The following CNTN5 variants were observed in gnomAD, a reference collection of about 807,000 sequenced individuals.
CNTN5 encodes the protein contactin 5.
In CNTN5, 77 loss-of-function variants were observed where a neutral mutation model predicts 129.1. That is an observed-to-expected ratio of 0.60 (90% CI 0.50 to 0.72). The LOEUF is 0.72. Ranked by LOEUF, CNTN5 falls within the 30% of genes least tolerant of loss-of-function variation. CNTN5 has a pLI of 0.00. For synonymous variants in CNTN5, 509 were observed against 465.6 expected, an observed-to-expected ratio of 1.09 and a Z score of -1.20; for missense variants, 1,478 against 1,328.8, an observed-to-expected ratio of 1.11 and a Z score of -1.75.
At chr11:99,845,781 G>T (rs1339874480) in intron 6 of CNTN5, among the ~76,000 whole-genome samples, 1 of 151,448 alleles carries the variant, frequency 6.6e-6, no homozygotes, top group Non-Finnish European at 1.5e-5. Context: ...TAAAGTTTTA[G>T]AATTCATAAC....
Position 99,633,102 on chromosome 11 carries a change from C to T in CNTN5, c.55+76833C>T, listed in dbSNP as rs140787630. 7.3e-4 allele frequency among the ~76,000 whole-genome samples: 111 copies of T among 152,132 alleles called. 2 individuals are homozygous for T. The East Asian group carries it at 0.021, about 29-fold the overall frequency. On this transcript the variant is annotated intron_variant, in intron 3 of 24. Coordinates refer to ENST00000524871, the MANE Select transcript of CNTN5 (RefSeq NM_014361.4). ...ATGGGGAATCAGCTCCCATTTGAAA[C>T]CTCCAGAAATAACTCTCCTCCAAGT...
At chr11:99,620,649 G>A (rs1950916746) in intron 3 of CNTN5, among the ~76,000 whole-genome samples, 1 of 151,954 alleles carries the variant, frequency 6.6e-6, no homozygotes, top group South Asian at 2.1e-4. Context: ...CCCAGGAAAG[G>A]TAACAAGTTG....
chr11:99,984,449 G>A (rs1356390941), intron 8 of CNTN5, among the ~76,000 whole-genome samples: 6 of 152,120 alleles, frequency 3.9e-5, no homozygotes, highest in South Asian at 2.1e-4. Context: ...GATTTCTTGC[G>A]GGAGGAATTA....
intron 6 of CNTN5, among the ~76,000 whole-genome samples, chr11:99,852,716 A>G (rs1043800343): frequency 6.6e-6 from 1 of 152,190 alleles, no homozygotes; most frequent in African/African-American, 2.4e-5. Flanking sequence ...GGTATATTTT[A>G]TCATAGTGCT....
intron 3 of CNTN5, among the ~76,000 whole-genome samples, chr11:99,717,899 A>G (rs1943032380): frequency 6.6e-6 from 1 of 152,104 alleles, no homozygotes. Context: ...AGAGAAAGTG[A>G]TTTAAGTTGC....
chr11:99,764,158 T>C (rs887559526), intron 3 of CNTN5, among the ~76,000 whole-genome samples: 5 of 152,072 alleles, frequency 3.3e-5, no homozygotes, highest in Admixed American at 6.6e-5. Context: ...CAGAAAATTT[T>C]GAAGACCACT....
At chr11:99,389,665 G>A in intron 2 of CNTN5, among the ~76,000 whole-genome samples, 1 of 152,114 alleles carries the variant, frequency 6.6e-6, no homozygotes, top group East Asian at 1.9e-4. Flanking sequence ...AAATCAGGTG[G>A]AATAACATTT....
intron 2 of CNTN5, among the ~76,000 whole-genome samples, chr11:99,495,222 G>A (rs1339610233): frequency 6.6e-6 from 1 of 152,002 alleles, no homozygotes; most frequent in African/African-American, 2.4e-5. Flanking sequence ...CAAAAAATTA[G>A]CCAGGTATGG....
rs1315466197 is a variant in CNTN5 at position 100,003,831 on chromosome 11, C to G, written c.980+1695C>G. On this transcript the variant is annotated intron_variant, in intron 9 of 24. Transcript: ENST00000524871. ...TACATAAAAGGGAGTGTAAAGAAGA[C>G]TGCTTCACTCAAGAAGGTCTCTGTT... is the stretch of plus-strand genomic sequence containing the variant. 4 of 152,160 alleles carry G rather than the reference C, an allele frequency of 2.6e-5. No homozygotes were observed. The East Asian group carries it at 7.7e-4, about 29-fold the overall frequency. The allele number at this position is 152,160 out of a possible 1,614,324, so 9.4% of individuals were successfully genotyped here.
At chr11:99,889,325 TG>T (rs1565642729) in intron 6 of CNTN5, among the ~76,000 whole-genome samples, 39,415 of 113,060 alleles carry the variant, frequency 0.35, 6,374 homozygotes, top group Non-Finnish European at 0.46. Flanking sequence ...TGTGTGTGTG[TG>T]TGTGTGTGTG....
chr11:99,787,377 A>G (rs1337894232), intron 3 of CNTN5, among the ~76,000 whole-genome samples: 2 of 151,742 alleles, frequency 1.3e-5, no homozygotes, highest in African/African-American at 2.4e-5. Context: ...TATATTTTCC[A>G]TATTAAAAAT....
At chr11:99,861,194 T>C (rs536332059) in intron 6 of CNTN5, among the ~76,000 whole-genome samples, 1 of 152,214 alleles carries the variant, frequency 6.6e-6, no homozygotes, top group African/African-American at 2.4e-5. Flanking sequence ...CCTGACCTCG[T>C]GATCCGCCAG....
intron 1 of CNTN5, among the ~76,000 whole-genome samples, chr11:99,287,239 A>G (rs1210396583): frequency 6.6e-6 from 1 of 152,120 alleles, no homozygotes; most frequent in Non-Finnish European, 1.5e-5. Flanking sequence ...TATCCTTTCA[A>G]TTAGGAAATA....
intron 8 of CNTN5, among the ~76,000 whole-genome samples, chr11:99,962,054 G>T (rs1219524551): frequency 6.6e-6 from 1 of 152,044 alleles, no homozygotes; most frequent in Non-Finnish European, 1.5e-5. Flanking sequence ...AAATTCTTGT[G>T]CTTATAGAGT....
intron 21 of CNTN5, among the ~76,000 whole-genome samples, chr11:100,334,468 G>T (rs185550964): frequency 6.6e-6 from 1 of 152,198 alleles, no homozygotes; most frequent in East Asian, 1.9e-4. Context: ...ATACGAAAAA[G>T]ATACTTGCAC....
At chr11:99,504,055 C>T (rs572587968) in intron 2 of CNTN5, among the ~76,000 whole-genome samples, 2 of 152,150 alleles carry the variant, frequency 1.3e-5, no homozygotes, top group East Asian at 1.9e-4. Context: ...ATTTTTCTCA[C>T]CCATATTTAG....
intron 3 of CNTN5, among the ~76,000 whole-genome samples, chr11:99,809,498 C>G (rs79943632): frequency 1.3e-5 from 2 of 152,166 alleles, no homozygotes; most frequent in East Asian, 1.9e-4. Flanking sequence ...TTATTTGTGT[C>G]TATGTCCAAA....
intron 2 of CNTN5, among the ~76,000 whole-genome samples, chr11:99,402,053 A>C (rs1451562321): frequency 6.6e-6 from 1 of 152,042 alleles, no homozygotes; most frequent in African/African-American, 2.4e-5. Context: ...ATTTGGACGC[A>C]CTTTATATAT....
At chr11:100,306,102 T>C (rs1257337861) in intron 20 of CNTN5, among the ~76,000 whole-genome samples, 2 of 151,598 alleles carry the variant, frequency 1.3e-5, no homozygotes, top group African/African-American at 4.8e-5. Context: ...TCTTCAGTTC[T>C]TGTTTGATTG....
Sources: gnomAD v4.1 joint callset for allele counts (sites outside exome capture counted in the v4.1 genomes callset) on GRCh38, gnomAD v4.1.1 for gene constraint, MANE v1.5 for transcripts, NCBI Gene and HGNC (gene_info 2026-07-23, HGNC 2026-07-21) for gene names.